Variants in DSN1 observed in about 807,000 individuals in gnomAD.
DSN1 encodes kinetochore-associated protein DSN1 homolog.
In DSN1, 31 loss-of-function variants were observed where a neutral mutation model predicts 45.7. The observed-to-expected ratio is 0.68, with a 90% CI of 0.51 to 0.92. DSN1 has a LOEUF of 0.92. Among genes scored for constraint, DSN1 ranks in the 40% least tolerant of loss-of-function variants. The pLI is 0.00. For missense variants in DSN1, 394 were observed against 414.2 expected, an observed-to-expected ratio of 0.95 and a Z score of 0.42; for synonymous variants, 134 against 142.3, an observed-to-expected ratio of 0.94 and a Z score of 0.41.
intron 6 of DSN1, among the ~76,000 whole-genome samples, chr20:36,760,339 C>G (rs762643974): frequency 6.6e-6 from 1 of 152,192 alleles, no homozygotes; most frequent in Admixed American, 6.5e-5. Flanking sequence ...ACTTAAGGCT[C>G]TCTGTGTTCT....
intron 5 of DSN1, among the ~76,000 whole-genome samples, chr20:36,766,194 CAA>C (rs368772931): frequency 2.3e-4 from 11 of 48,020 alleles, no homozygotes; most frequent in East Asian, 6.8e-4. Flanking sequence ...GACTCCATCT[CAA>C]AAAAAAAAAA....
rs529759562 is a variant in DSN1, at chr20:36,752,465, T to G, written c.*323A>C. ...TAAAATGTTTCCTTAGACTTGGTCC[T>G]AAATGATTTTTGGATTGTTTCAAAA... On this transcript the variant is annotated 3_prime_UTR_variant, in exon 11 of 11. Transcript: ENST00000373750. 2.2e-5 allele frequency: 5 copies of G among 225,282 alleles called. No homozygotes were observed. In the South Asian group the frequency reaches 4.8e-4, roughly 22 times the overall value. 14.0% of individuals were successfully genotyped at this position (225,282 alleles called of 1,614,324 possible).
Position 36,765,747 on chromosome 20 carries a change from G to A in DSN1, c.502+1022C>T, listed in dbSNP as rs1453199971. 2.2e-4 allele frequency among the ~76,000 whole-genome samples: 31 copies of A among 138,568 alleles called. No individual in the cohort carries two copies. In the South Asian group the frequency reaches 2.3e-3, roughly 10 times the overall value. The allele number at this position is 138,568 out of a possible 152,430, so 90.9% of individuals were successfully genotyped here. A position where few individuals can be genotyped will look rare whatever the true frequency, so the allele number is the denominator to read the frequency against. ...CGGGAGGCGGAGCTTGCAGTGAGCC[G>A]AGATCCCGCCACTACACTCCAGCCT... On this transcript the variant is annotated intron_variant, in intron 5 of 10. Transcript: ENST00000373750.
intron 5 of DSN1, among the ~76,000 whole-genome samples, chr20:36,763,907 AAAAAG>A (rs1987168365): frequency 6.7e-6 from 1 of 149,258 alleles, no homozygotes; most frequent in African/African-American, 2.5e-5. Context: ...AAAAAAAAAA[AAAAAG>A]AAAGACAGAA....
chr20:36,763,693 C>G (rs1359950937), intron 5 of DSN1, among the ~76,000 whole-genome samples: 2 of 151,636 alleles, frequency 1.3e-5, no homozygotes, highest in African/African-American at 4.8e-5. Context: ...TCAACACCAT[C>G]CTGGCCAACA....
At chr20:36,767,924 G>C in intron 4 of DSN1, 45 bp downstream of exon 4, 3 of 1,569,046 alleles carry the variant, frequency 1.9e-6, no homozygotes, top group Non-Finnish European at 2.6e-6. Context: ...TGTCACAATA[G>C]CAGTTAACAA....
rs1987364744 is a variant in DSN1 at position 36,766,807 on chromosome 20, TC to T, written c.463del (p.Asp155ThrfsTer21). On this transcript the variant is annotated frameshift_variant, in exon 5 of 11. Transcript: ENST00000373750. LOFTEE classifies it high-confidence loss of function. ...SIQKLEPFLR[D>X]TKGFSLESFR... ...ACTTTCAAGACTGAAGCCCTTAGTG[TC>T]CCTTAGGAAAGGTTCAAGTTTCTGA... 6.2e-7 allele frequency: 1 copy of T among 1,609,686 alleles called. No homozygotes were observed. The highest frequency in any genetic ancestry group is 8.5e-7 in the Non-Finnish European group (1 of 1,179,126).
Position 36,773,761 on chromosome 20 carries a change from T to C in DSN1, c.-115A>G, listed in dbSNP as rs1987775470. On this transcript the variant is annotated 5_prime_UTR_variant, in exon 1 of 11. Transcript: ENST00000373750. ...ACTCCCTGATCAGGGTGAAGCGGTC[T>C]CCACCTTCTACGTCACGGTCACCGC... 11 of 985,372 alleles carry C rather than the reference T, an allele frequency of 1.1e-5. 2 individuals are homozygous for C. Among genetic ancestry groups the C allele is most frequent in the African/African-American group, 8.7e-5 (5 of 57,248 alleles). 61.0% of individuals were successfully genotyped at this position (985,372 alleles called of 1,614,324 possible).
rs1987435353 is a variant in DSN1 at position 36,767,917 on chromosome 20, CACAATAGCAGTTA to C, written c.429+39_429+51del. 6.4e-6 allele frequency: 10 copies of C among 1,567,090 alleles called. No homozygotes were observed. In the South Asian group the frequency reaches 1.1e-4, roughly 17 times the overall value. On this transcript the variant is annotated intron_variant, in intron 4 of 10. Coordinates refer to ENST00000373750, the MANE Select transcript of DSN1 (RefSeq NM_001145315.2). ...GCTCCATCTAAAAACAAAAGATTGT[CACAATAGCAGTTA>C]ACAAACACAAAAACATTTCCTAGTT...
At position 36,772,863 on chromosome 20, in the gene DSN1, T is replaced by TA. The variant is rs1473927336; in HGVS notation, c.-16+798_-16+799insT. ...GCATTGGCTATAAAATCTGTTTACA[T>TA]GTCTGTCTCCCCAGCCAGGCTGTAT... On this transcript the variant is annotated intron_variant, in intron 1 of 10. Transcript: ENST00000373750. Among the ~76,000 whole-genome samples, 913 of 152,378 alleles carry TA rather than the reference T, an allele frequency of 6.0e-3. 6 individuals are homozygous for TA. The highest frequency in any genetic ancestry group is 0.02 in the African/African-American group (825 of 41,578).
At chr20:36,759,341 C>G (rs980273153) in intron 6 of DSN1, among the ~76,000 whole-genome samples, 6 of 152,008 alleles carry the variant, frequency 3.9e-5, no homozygotes, top group Non-Finnish European at 8.8e-5. Flanking sequence ...TCTCAAACTC[C>G]TGGGCTCAAG....
At chr20:36,762,334 T>C (rs949775880) in intron 6 of DSN1, 127 bp downstream of exon 6, 15 of 637,530 alleles carry the variant, frequency 2.4e-5, no homozygotes, top group Middle Eastern at 4.1e-4. Context: ...ATGGCCTTGA[T>C]CTCCTGACCT....
chr20:36,773,507 G>T (rs998669789), intron 1 of DSN1, 155 bp downstream of exon 1: 1 of 985,742 alleles, frequency 1.0e-6, no homozygotes, highest in Non-Finnish European at 1.2e-6. Context: ...GCGCCCTCGG[G>T]GACCCCCAGT....
rs989611465 is a variant in DSN1 at position 36,764,644 on chromosome 20, G to A, written c.503-2096C>T. On this transcript the variant is annotated intron_variant, in intron 5 of 10. Transcript: ENST00000373750. ...GTTTTAAAAACGAACATGAGGCTGA[G>A]CCATGGTGGCTCGCGCCTATAATCC... Among the ~76,000 whole-genome samples, 6 of 152,330 alleles carry A rather than the reference G, an allele frequency of 3.9e-5. No homozygotes were observed. The East Asian group carries it at 9.7e-4, about 25-fold the overall frequency.
chr20:36,756,831 A>G (rs1366494894), intron 8 of DSN1, among the ~76,000 whole-genome samples: 1 of 152,204 alleles, frequency 6.6e-6, no homozygotes, highest in African/African-American at 2.4e-5. Context: ...AGCATCTTAC[A>G]CATTATCTAT....
chr20:36,762,820 C>A (rs561611463), intron 5 of DSN1, among the ~76,000 whole-genome samples: 2 of 152,096 alleles, frequency 1.3e-5, no homozygotes, highest in African/African-American at 4.8e-5. Context: ...GGTGTGATCT[C>A]AGCTCACTGC....
At chr20:36,761,821 AC>A (rs1986996477) in intron 6 of DSN1, among the ~76,000 whole-genome samples, 2 of 150,724 alleles carry the variant, frequency 1.3e-5, no homozygotes, top group Non-Finnish European at 3.0e-5. Flanking sequence ...GCATGGTGAA[AC>A]CCCCATCTCC....
At chr20:36,765,273 A>AG (rs986381176) in intron 5 of DSN1, among the ~76,000 whole-genome samples, 1 of 150,048 alleles carries the variant, frequency 6.7e-6, no homozygotes, top group African/African-American at 2.4e-5. Flanking sequence ...AAAAAAAAAA[A>AG]GGCCAGATGC....
intron 5 of DSN1, among the ~76,000 whole-genome samples, chr20:36,765,834 G>A (rs1987296128): frequency 2.2e-5 from 3 of 139,078 alleles, no homozygotes; most frequent in South Asian, 4.7e-4. Flanking sequence ...ATTTACTGTA[G>A]TAGCAAAAGA....
Sources: allele counts gnomAD v4.1 joint callset (sites outside exome capture counted in the v4.1 genomes callset), GRCh38; gene constraint gnomAD v4.1.1; transcripts MANE v1.5; gene names NCBI Gene and HGNC (gene_info 2026-07-23, HGNC 2026-07-21).